Variants in FREM1 observed in about 807,000 individuals in gnomAD.
The protein encoded by FREM1 is FRAS1 related extracellular matrix 1, also known as FRAS1-related extracellular matrix protein 1.
In FREM1, 220 loss-of-function variants were observed where a neutral mutation model predicts 210.1. That is an observed-to-expected ratio of 1.05 (90% CI 0.94 to 1.17). FREM1 has a LOEUF of 1.17. Among genes scored for constraint, FREM1 ranks in the 50% most tolerant of loss-of-function variants. The pLI, the probability that FREM1 is intolerant of heterozygous loss-of-function variation, is 0.00. For synonymous variants in FREM1, 1,189 were observed against 980.2 expected (o/e 1.21, Z -3.98); for missense variants, 3,454 against 2,675.5 (o/e 1.29, Z -6.42).
chr9:14,893,247 A>G (rs937166091), intron 1 of FREM1, among the ~76,000 whole-genome samples: 1 of 152,228 alleles, frequency 6.6e-6, no homozygotes, highest in African/African-American at 2.4e-5. Flanking sequence ...GATTAGTGGG[A>G]AAAAGAATTC....
chr9:14,839,792 T>C (rs1240513942), intron 10 of FREM1, among the ~76,000 whole-genome samples: 4 of 152,328 alleles, frequency 2.6e-5, no homozygotes, highest in Non-Finnish European at 5.9e-5. Flanking sequence ...CCACTAAAAG[T>C]GATACGGTAT....
rs746159872 is a variant in FREM1, at chr9:14,851,441, A to T, written c.995T>A (p.Leu332Gln). The change falls in exon 6 of 37, where the codon CTG becomes CAG. Residue 332 changes from leucine to glutamine, a missense_variant. Transcript: ENST00000380880. Reference protein sequence around the residue: ...CEEDETPKPLLVFNITKAPLQ... With the variant: ...CEEDETPKPLQVFNITKAPLQ... Reference sequence around the variant, plus strand: ...CGGGGCTTTAGTAATGTTGAACACCAGCAAGGGTTTAGGGGTCTCATCTTC... The same window carrying T: ...CGGGGCTTTAGTAATGTTGAACACCTGCAAGGGTTTAGGGGTCTCATCTTC... The T allele has an allele frequency of 1.9e-6, 3 of 1,614,004 alleles. No individual in the cohort carries two copies. Among genetic ancestry groups the T allele is most frequent in the Admixed American group, 3.3e-5 (2 of 60,018 alleles).
chr9:14,776,031 C>G lies in FREM1; in HGVS notation c.4615G>C (p.Ala1539Pro). The change falls in exon 25 of 37, where the codon GCG (alanine) becomes CCG (proline). Residue 1539 changes from alanine to proline, a missense_variant. Transcript: ENST00000380880. ...ACCAAGAGGAAGGTGAGGTTCTCCG[C>G]AGGTGTATCAGGGTCGGTCAGCTGA... The part of the protein sequence containing the change: ...LLQLTDPDTP[A>P]ENLTFLLVQL... 6.2e-7 allele frequency: 1 copy of G among 1,613,988 alleles called. No individual in the cohort carries two copies. The highest frequency in any genetic ancestry group is 8.5e-7 in the Non-Finnish European group (1 of 1,179,876).
intron 20 of FREM1, among the ~76,000 whole-genome samples, chr9:14,801,110 G>C (rs934267890): frequency 6.6e-5 from 10 of 152,116 alleles, no homozygotes; most frequent in Admixed American, 3.3e-4. Flanking sequence ...GCGATTTCGT[G>C]CCTCAGCCTC....
intron 1 of FREM1, among the ~76,000 whole-genome samples, chr9:14,907,604 T>C (rs1342734549): frequency 6.6e-6 from 1 of 152,228 alleles, no homozygotes; most frequent in African/African-American, 2.4e-5. Context: ...TCCAGGGAGT[T>C]ACGGGATCCC....
rs375664017 is a variant in FREM1 at position 14,808,008 on chromosome 9, G to C, written c.3020C>G (p.Ser1007Cys). ...GPNPSVPLHASFPVYDLNITV... is the reference protein window; with the variant it reads ...GPNPSVPLHACFPVYDLNITV... The stretch of plus-strand genomic sequence containing the variant: ...GATGTTGAGATCATACACTGGAAAG[G>C]ACGCATGAAGTGGAACAGATGGATT... Residue 1007 changes from serine to cysteine, a missense_variant, in exon 17 of 37, where the codon TCC (serine) becomes TGC (cysteine). Ser to Cys is a moderately radical substitution (Grantham distance 112). Transcript: ENST00000380880. 29 of 1,613,696 alleles carry C rather than the reference G, an allele frequency of 1.8e-5. No individual in the cohort carries two copies. In the African/African-American group the frequency reaches 3.5e-4, roughly 19 times the overall value.
intron 1 of FREM1, among the ~76,000 whole-genome samples, chr9:14,883,753 G>C (rs1173271301): frequency 1.3e-5 from 2 of 152,194 alleles, no homozygotes; most frequent in South Asian, 2.1e-4. Flanking sequence ...AGCACATCTT[G>C]AGAATTTTAT....
chr9:14,820,795 C>T (rs1457570920), intron 13 of FREM1, among the ~76,000 whole-genome samples: 1 of 152,206 alleles, frequency 6.6e-6, no homozygotes, highest in Non-Finnish European at 1.5e-5. Context: ...TTTCACTTTG[C>T]TAAACCTATA....
At chr9:14,761,311 G>C (rs972091778) in intron 27 of FREM1, among the ~76,000 whole-genome samples, 5 of 152,090 alleles carry the variant, frequency 3.3e-5, no homozygotes, top group African/African-American at 1.2e-4. Flanking sequence ...AGGGGGCAAG[G>C]GTAGGGTAAG....
rs72713612 is a variant in FREM1, at chr9:14,879,415, G to A, written c.-267-10171C>T. 3.5e-3 allele frequency among the ~76,000 whole-genome samples: 529 copies of A among 151,920 alleles called. 1 individual carries two copies. The highest frequency in any genetic ancestry group is 5.5e-3 in the Non-Finnish European group (374 of 67,898). On this transcript the variant is annotated intron_variant, in intron 1 of 36. Transcript: ENST00000380880. The stretch of plus-strand genomic sequence containing the variant: ...CAGGCAGCACCTCCAGTCAAACACC[G>A]AAAGAAGAAGTGAGGTAAAAATCAA...
rs763851979 is a variant in FREM1 at position 14,812,862 on chromosome 9, T to C, written c.2843A>G (p.Gln948Arg). The change falls in exon 16 of 37, where the codon CAG becomes CGG. Residue 948 changes from glutamine to arginine, a missense_variant. By Grantham distance (43) the Gln-to-Arg change is conservative. Transcript: ENST00000380880. ...TGAGATAACATCTCTCTGAGAGAAC[T>C]GATCCACTGTGACTCCAGCTCTCCT... is the stretch of plus-strand genomic sequence containing the variant. ...VVRRAGVTVD[Q>R]FSQRDVISEA... 1.2e-6 allele frequency: 2 copies of C among 1,613,884 alleles called. No homozygotes were observed. Among genetic ancestry groups the C allele is most frequent in the South Asian group, 2.2e-5 (2 of 91,066 alleles).
chr9:14,798,391 G>T (rs142190693), intron 20 of FREM1, among the ~76,000 whole-genome samples: 1 of 152,178 alleles, frequency 6.6e-6, no homozygotes, highest in South Asian at 2.1e-4. Context: ...TGGGAGGATC[G>T]CTTGAGGCCA....
intron 1 of FREM1, among the ~76,000 whole-genome samples, chr9:14,886,104 C>A (rs1015368135): frequency 6.6e-6 from 1 of 152,084 alleles, no homozygotes; most frequent in Non-Finnish European, 1.5e-5. Context: ...AAGAAATAAA[C>A]TGCTGTGTGC....
At chr9:14,803,020 TTTC>T (rs983935093) in intron 19 of FREM1, among the ~76,000 whole-genome samples, 9 of 140,912 alleles carry the variant, frequency 6.4e-5, no homozygotes, top group African/African-American at 2.1e-4. Context: ...CCTCCCTTTC[TTTC>T]TTCTTTCTCT....
chr9:14,817,472 T>C (rs1023325464), intron 14 of FREM1, among the ~76,000 whole-genome samples: 1 of 152,198 alleles, frequency 6.6e-6, no homozygotes, highest in Non-Finnish European at 1.5e-5. Flanking sequence ...TGTCTAGCCT[T>C]AGCCCTATCT....
chr9:14,870,287 G>C (rs964350548), intron 1 of FREM1, among the ~76,000 whole-genome samples: 3 of 152,076 alleles, frequency 2.0e-5, no homozygotes, highest in Non-Finnish European at 4.4e-5. Context: ...TTTCACTTTT[G>C]AGGCAGTGCC....
At chr9:14,745,960 GA>G (rs1842348650) in intron 35 of FREM1, among the ~76,000 whole-genome samples, 1 of 152,026 alleles carries the variant, frequency 6.6e-6, no homozygotes. Context: ...AAATGGGCAG[GA>G]ATTCTTATCA....
chr9:14,858,490 A>T (rs1461762672), intron 4 of FREM1, among the ~76,000 whole-genome samples: 1 of 146,300 alleles, frequency 6.8e-6, no homozygotes, highest in Non-Finnish European at 1.5e-5. Context: ...GTGAGCCACC[A>T]TGCCCAGCCA....
At chr9:14,875,896 C>T (rs1403787663) in intron 1 of FREM1, among the ~76,000 whole-genome samples, 1 of 152,220 alleles carries the variant, frequency 6.6e-6, no homozygotes, top group South Asian at 2.1e-4. Flanking sequence ...TTCTAACAGA[C>T]AGGACCCTCA....
Sources: gnomAD v4.1 joint callset for allele counts (sites outside exome capture counted in the v4.1 genomes callset) on GRCh38, gnomAD v4.1.1 for gene constraint, MANE v1.5 for transcripts, NCBI Gene and HGNC (gene_info 2026-07-23, HGNC 2026-07-21) for gene names.